The following RPSA2 variants were observed in gnomAD, a reference collection of about 807,000 sequenced individuals.
RPSA2 encodes the protein small ribosomal subunit protein uS2B.
chr19:23,865,292 A>G, the RPSA2 span, among the ~76,000 whole-genome samples: 1 of 152,216 alleles, frequency 6.6e-6, no homozygotes, highest in South Asian at 2.1e-4. Context: ...TTGTGTTGAA[A>G]CAGTCTGGAT....
At chr19:23,807,839 T>C in the RPSA2 span, 1 of 427,734 alleles carries the variant, frequency 2.3e-6, no homozygotes, top group South Asian at 2.0e-5. Context: ...CTCTTGACGT[T>C]TAGGTATGTG....
chr19:23,790,309 G>T, the RPSA2 span, among the ~76,000 whole-genome samples: 2 of 151,998 alleles, frequency 1.3e-5, no homozygotes, highest in African/African-American at 2.4e-5. Context: ...ATTTTCTCTT[G>T]AACAATAATT....
the RPSA2 span, among the ~76,000 whole-genome samples, chr19:23,789,263 A>T: frequency 6.6e-6 from 1 of 152,116 alleles, no homozygotes; most frequent in African/African-American, 2.4e-5. Context: ...GGTCTCCCAA[A>T]GGGCTGAGAT....
chr19:23,852,528 G>T, the RPSA2 span, among the ~76,000 whole-genome samples: 1 of 152,184 alleles, frequency 6.6e-6, no homozygotes, highest in Non-Finnish European at 1.5e-5. Flanking sequence ...AAAACGAAAG[G>T]ATGGGCCAAA....
At chr19:23,838,094 T>A in the RPSA2 span, among the ~76,000 whole-genome samples, 1 of 152,190 alleles carries the variant, frequency 6.6e-6, no homozygotes, top group Non-Finnish European at 1.5e-5. Flanking sequence ...ATAGATAGCT[T>A]TTATTACATT....
chr19:23,854,737 A>G, the RPSA2 span, among the ~76,000 whole-genome samples: 1 of 152,202 alleles, frequency 6.6e-6, no homozygotes, highest in African/African-American at 2.4e-5. Context: ...GTTGACTGCA[A>G]TTATAGCAGG....
chr19:23,867,617 T>C, the RPSA2 span, among the ~76,000 whole-genome samples: 1 of 151,778 alleles, frequency 6.6e-6, no homozygotes, highest in Non-Finnish European at 1.5e-5. Context: ...GATCATGAGG[T>C]CAGGAGATCG....
At chr19:23,792,510 CAG>C in the RPSA2 span, among the ~76,000 whole-genome samples, 4 of 151,836 alleles carry the variant, frequency 2.6e-5, no homozygotes, top group Non-Finnish European at 4.4e-5. Context: ...AAAAATAAAA[CAG>C]ATGTATATAA....
At chr19:23,764,822 C>T in the RPSA2 span, among the ~76,000 whole-genome samples, 1 of 151,892 alleles carries the variant, frequency 6.6e-6, no homozygotes, top group Non-Finnish European at 1.5e-5. Context: ...AAAGTCTGCG[C>T]CTCTCCTTCT....
chr19:23,791,052 A>G, the RPSA2 span, among the ~76,000 whole-genome samples: 2,370 of 152,290 alleles, frequency 0.016, 81 homozygotes, highest in African/African-American at 0.053. Flanking sequence ...TCTCTCCCAG[A>G]TTGTGCAGGG....
chr19:23,861,203 G>A, the RPSA2 span, among the ~76,000 whole-genome samples: 1 of 152,166 alleles, frequency 6.6e-6, no homozygotes, highest in East Asian at 1.9e-4. Flanking sequence ...TCTATGTTAT[G>A]TAAAATAACA....
the RPSA2 span, among the ~76,000 whole-genome samples, chr19:23,789,595 A>G: frequency 6.6e-6 from 1 of 152,148 alleles, no homozygotes; most frequent in Non-Finnish European, 1.5e-5. Flanking sequence ...CACAATCCTT[A>G]GTCTCCTCTT....
the RPSA2 span, among the ~76,000 whole-genome samples, chr19:23,862,655 T>C: frequency 5.9e-5 from 9 of 152,188 alleles, no homozygotes; most frequent in Non-Finnish European, 1.3e-4. Context: ...TTGTCTTTGG[T>C]TCTGTTTATA....
chr19:23,815,723 CTATT>C, the RPSA2 span, among the ~76,000 whole-genome samples: 33 of 152,120 alleles, frequency 2.2e-4, no homozygotes, highest in African/African-American at 6.5e-4. Context: ...TCTGAATTTT[CTATT>C]TATTATTAAA....
At chr19:23,760,999 G>A in the RPSA2 span, among the ~76,000 whole-genome samples, 3 of 70,422 alleles carry the variant, frequency 4.3e-5, no homozygotes, top group Admixed American at 2.2e-4. Flanking sequence ...TATATAGGGT[G>A]TATAAATATA....
the RPSA2 span, among the ~76,000 whole-genome samples, chr19:23,835,959 T>C: frequency 4.6e-5 from 7 of 152,198 alleles, no homozygotes; most frequent in African/African-American, 1.7e-4. Context: ...GAAGTATTCA[T>C]TATGTGAACT....
the RPSA2 span, chr19:23,763,202 C>G: frequency 1.3e-5 from 2 of 153,308 alleles, no homozygotes; most frequent in Admixed American, 1.3e-4. Context: ...ACCGGCCTCT[C>G]CACAGTCCGC....
At chr19:23,758,641 G>A in the RPSA2 span, 1 of 1,565,758 alleles carries the variant, frequency 6.4e-7, no homozygotes. Flanking sequence ...GAGGCCGCCT[G>A]GGCGAGGAGA....
At chr19:23,807,325 C>G in the RPSA2 span, among the ~76,000 whole-genome samples, 1 of 152,158 alleles carries the variant, frequency 6.6e-6, no homozygotes, top group Non-Finnish European at 1.5e-5. Context: ...ATTGGCATTA[C>G]TGGTAAACTT....
Sources: allele counts gnomAD v4.1 joint callset (sites outside exome capture counted in the v4.1 genomes callset), GRCh38; gene constraint gnomAD v4.1.1; transcripts MANE v1.5; gene names NCBI Gene and HGNC (gene_info 2026-07-23, HGNC 2026-07-21).